SUSD1: variants seen among roughly 807,000 people sequenced by gnomAD.
The protein encoded by SUSD1 is sushi domain containing 1.
In SUSD1, 65 loss-of-function variants were observed where a neutral mutation model predicts 86.9. The ratio of observed to expected loss-of-function variants is 0.75; its 90% confidence interval spans 0.61 to 0.92. The LOEUF (loss-of-function observed/expected upper bound fraction) is 0.92. Among genes scored for constraint, SUSD1 ranks in the 40% least tolerant of loss-of-function variants. The pLI, the probability that SUSD1 is intolerant of heterozygous loss-of-function variation, is 0.00. For synonymous variants in SUSD1, 346 were observed against 350.0 expected (o/e 0.99, Z 0.13); for missense variants, 850 against 929.7 (o/e 0.91, Z 1.11).
chr9:112,107,426 G>A (rs1170819496), intron 8 of SUSD1, among the ~76,000 whole-genome samples: 1 of 151,994 alleles, frequency 6.6e-6, no homozygotes, highest in East Asian at 1.9e-4. Context: ...TCCAGCCTGG[G>A]CGACACAGCG....
intron 6 of SUSD1, among the ~76,000 whole-genome samples, chr9:112,121,493 G>A (rs749325612): frequency 2.0e-5 from 3 of 152,170 alleles, no homozygotes; most frequent in Non-Finnish European, 2.9e-5. Context: ...GGGTCATGCC[G>A]ACAAAGTACC....
At chr9:112,066,363 G>T (rs958033742) in intron 12 of SUSD1, among the ~76,000 whole-genome samples, 3 of 152,218 alleles carry the variant, frequency 2.0e-5, no homozygotes, top group African/African-American at 4.8e-5. Context: ...CCAGGAGGGA[G>T]ACCATAGGGA....
intron 4 of SUSD1, 164 bp from the exon 5 acceptor site, chr9:112,142,663 T>A: frequency 1.6e-6 from 1 of 629,868 alleles, no homozygotes; most frequent in Non-Finnish European, 2.6e-6. Flanking sequence ...TTTCCAACAA[T>A]TGTCTTTATT....
At chr9:112,166,985 A>T (rs1160042403) in intron 1 of SUSD1, among the ~76,000 whole-genome samples, 1 of 152,226 alleles carries the variant, frequency 6.6e-6, no homozygotes. Context: ...CTCTGCAGTG[A>T]CTACCCCAGC....
At chr9:112,155,990 AAG>A (rs886947066) in intron 2 of SUSD1, among the ~76,000 whole-genome samples, 7 of 150,560 alleles carry the variant, frequency 4.6e-5, no homozygotes, top group African/African-American at 7.3e-5. Flanking sequence ...GAAAGAAAGA[AAG>A]AGAGAAAGAA....
rs1831980427 is a variant in SUSD1, at chr9:112,130,557, G to GGAAGGAAAGAAAAT, written c.707-6122_707-6121insATTTTCTTTCCTTC. On this transcript the variant is annotated intron_variant, in intron 5 of 16. Transcript: ENST00000374270. ...AAGGAAGGAAAGGAAGGAAAGAAAA[G>GGAAGGAAAGAAAAT]AAAGGAAAGAAAGGAAAGGAAAGGA... 2.1e-5 allele frequency among the ~76,000 whole-genome samples: 3 copies of GGAAGGAAAGAAAAT among 144,570 alleles called. No individual in the cohort carries two copies. The South Asian group carries it at 6.7e-4, about 32-fold the overall frequency. The allele number at this position is 144,570 out of a possible 152,430, so 94.8% of individuals were successfully genotyped here. A position where few individuals can be genotyped will look rare whatever the true frequency, so the allele number is the denominator to read the frequency against.
At chr9:112,130,161 C>G (rs1275412031) in intron 5 of SUSD1, among the ~76,000 whole-genome samples, 1 of 151,982 alleles carries the variant, frequency 6.6e-6, no homozygotes, top group Non-Finnish European at 1.5e-5. Flanking sequence ...TTGCTTCAGC[C>G]CAGGAGTTCA....
chr9:112,107,989 T>C (rs1830922844), intron 8 of SUSD1, among the ~76,000 whole-genome samples: 1 of 152,164 alleles, frequency 6.6e-6, no homozygotes, highest in Non-Finnish European at 1.5e-5. Flanking sequence ...ATTACCAAAC[T>C]TGGCCAAATG....
In SUSD1 at chr9:112,116,567, C is replaced by T. The variant is rs147672156; in HGVS notation, c.887-3699G>A. On this transcript the variant is annotated intron_variant, in intron 6 of 16. Coordinates refer to ENST00000374270, the MANE Select transcript of SUSD1 (RefSeq NM_022486.5). Reference sequence around the variant, plus strand: ...TGAATGGCTATCAAATGCCAAGCATCCTGCCATGCCAGGCACTGGGCTGTG... The same window carrying T: ...TGAATGGCTATCAAATGCCAAGCATTCTGCCATGCCAGGCACTGGGCTGTG... 2.8e-3 allele frequency among the ~76,000 whole-genome samples: 420 copies of T among 152,334 alleles called. 1 individual carries two copies. Among genetic ancestry groups the T allele is most frequent in the Middle Eastern group, 6.8e-3 (2 of 294 alleles).
chr9:112,074,813 T>C (rs1829445142), intron 12 of SUSD1, among the ~76,000 whole-genome samples: 1 of 151,398 alleles, frequency 6.6e-6, no homozygotes. Flanking sequence ...TTTTTTTAAC[T>C]CTTTCATAAG....
At chr9:112,125,179 G>C (rs1445963712) in intron 5 of SUSD1, among the ~76,000 whole-genome samples, 1 of 152,222 alleles carries the variant, frequency 6.6e-6, no homozygotes, top group East Asian at 1.9e-4. Flanking sequence ...AATATCGTAA[G>C]AATAAGTGTG....
chr9:112,056,877 T>C (rs2118941752), intron 14 of SUSD1, among the ~76,000 whole-genome samples: 1 of 152,170 alleles, frequency 6.6e-6, no homozygotes, highest in East Asian at 1.9e-4. Context: ...CCACCATGCC[T>C]GGCTAATAAA....
At position 112,113,633 on chromosome 9, in the gene SUSD1, T is replaced by C. The variant is rs867245296; in HGVS notation, c.887-765A>G. ...GAAAGGGGATCTAGCTTTTTATTTC[T>C]TTGAAATCAAATTCCCAGCCGAGTG... On this transcript the variant is annotated intron_variant, in intron 6 of 16. Coordinates refer to ENST00000374270, the MANE Select transcript of SUSD1 (RefSeq NM_022486.5). This position sits in a 1 kb window ranked among gnomAD's most constrained non-coding sequence, Gnocchi z 4.1. Among the ~76,000 whole-genome samples the C allele has an allele frequency of 1.5e-4, 23 of 152,278 alleles. No homozygotes were observed. Among genetic ancestry groups the C allele is most frequent in the Admixed American group, 7.9e-4 (12 of 15,282 alleles).
At chr9:112,149,531 G>A (rs1348348762) in intron 2 of SUSD1, 132 bp from the exon 3 acceptor site, 1 of 1,042,774 alleles carries the variant, frequency 9.6e-7, no homozygotes, top group Non-Finnish European at 1.4e-6. Context: ...TATTTCTCCA[G>A]CCTCTTCTCC....
At position 112,112,916 on chromosome 9, in the gene SUSD1, T is replaced by C. The variant is rs758756643; in HGVS notation, c.887-48A>G. 3 of 1,200,430 alleles carry C rather than the reference T, an allele frequency of 2.5e-6. No individual in the cohort carries two copies. The East Asian group carries it at 7.0e-5, about 28-fold the overall frequency. The allele number at this position is 1,200,430 out of a possible 1,614,324, so 74.4% of individuals were successfully genotyped here. A position where few individuals can be genotyped will look rare whatever the true frequency, so the allele number is the denominator to read the frequency against. On this transcript the variant is annotated intron_variant, in intron 6 of 16. Coordinates refer to ENST00000374270, the MANE Select transcript of SUSD1 (RefSeq NM_022486.5). ...ACTCACAAAATGCATCAATGGGCTT[T>C]AGCAAAATTCTAAAGGAGATCAGTC...
intron 12 of SUSD1, among the ~76,000 whole-genome samples, chr9:112,072,718 C>T (rs1022732930): frequency 1.3e-5 from 2 of 152,168 alleles, no homozygotes; most frequent in Non-Finnish European, 2.9e-5. Flanking sequence ...TGGGAGATTT[C>T]TGGGAATGAG....
chr9:112,130,611 G>GA (rs1831987180), intron 5 of SUSD1, among the ~76,000 whole-genome samples: 1 of 143,590 alleles, frequency 7.0e-6, no homozygotes, highest in Non-Finnish European at 1.5e-5. Context: ...GAAAGGAAAG[G>GA]AAGGAAAGGA....
intron 14 of SUSD1, among the ~76,000 whole-genome samples, chr9:112,058,194 C>CA (rs5899982): frequency 0.26 from 39,766 of 152,024 alleles, 7,649 homozygotes; most frequent in African/African-American, 0.55. Flanking sequence ...AGAGTAAAAA[C>CA]AAAACCAGGT....
chr9:112,105,690 G>A (rs1043875118), intron 8 of SUSD1, among the ~76,000 whole-genome samples: 1 of 152,188 alleles, frequency 6.6e-6, no homozygotes, highest in Non-Finnish European at 1.5e-5. Flanking sequence ...CTGCACACCA[G>A]CCTGGGTGAC....
Sources: gnomAD v4.1 joint callset for allele counts (sites outside exome capture counted in the v4.1 genomes callset) on GRCh38, gnomAD v4.1.1 for gene constraint, Gnocchi (gnomAD v3.1) non-coding constraint, MANE v1.5 for transcripts, NCBI Gene and HGNC (gene_info 2026-07-23, HGNC 2026-07-21) for gene names.